THADA: variants seen among roughly 807,000 people sequenced by gnomAD.
THADA encodes THADA armadillo repeat containing, also known as tRNA (32-2'-O)-methyltransferase regulator THADA.
In THADA, 213 loss-of-function variants were observed where a neutral mutation model predicts 219.8. The observed-to-expected ratio is 0.97, with a 90% CI of 0.87 to 1.09. THADA has a LOEUF of 1.09. Ranked by LOEUF, THADA falls within the 50% of genes least tolerant of loss-of-function variation. THADA has a pLI of 0.00. For missense variants in THADA, 2,956 were observed against 2,311.3 expected (o/e 1.28, Z -5.72); for synonymous variants, 1,018 against 828.9 (o/e 1.23, Z -3.92).
chr2:43,537,255 CAAT>C (rs1219412324), intron 21 of THADA, among the ~76,000 whole-genome samples: 1 of 152,218 alleles, frequency 6.6e-6, no homozygotes, highest in African/African-American at 2.4e-5. Flanking sequence ...TAACCATGGG[CAAT>C]ATTAACTGTT....
At chr2:43,258,574 C>G (rs993796566) in intron 36 of THADA, among the ~76,000 whole-genome samples, 1 of 152,026 alleles carries the variant, frequency 6.6e-6, no homozygotes, top group Non-Finnish European at 1.5e-5. Context: ...TGTTATTTAT[C>G]TGAAATTCAT....
intron 29 of THADA, among the ~76,000 whole-genome samples, chr2:43,384,993 T>C (rs1319914127): frequency 2.0e-5 from 3 of 151,534 alleles, no homozygotes; most frequent in African/African-American, 7.3e-5. Context: ...ATACAAAAAT[T>C]AGCCAGGTGT....
At chr2:43,442,084 G>C (rs1680907113) in intron 26 of THADA, among the ~76,000 whole-genome samples, 1 of 152,106 alleles carries the variant, frequency 6.6e-6, no homozygotes. Context: ...TAAGAGTTTG[G>C]AGTTGGAAAA....
intron 31 of THADA, among the ~76,000 whole-genome samples, chr2:43,315,480 A>G (rs951196162): frequency 6.7e-6 from 1 of 149,392 alleles, no homozygotes; most frequent in Non-Finnish European, 1.5e-5. Context: ...TCTTTTTTTT[A>G]GAGACAGGAT....
At chr2:43,333,319 A>G (rs1423201500) in intron 30 of THADA, 3 of 152,092 alleles carry the variant, frequency 2.0e-5, no homozygotes, top group Non-Finnish European at 4.4e-5. Flanking sequence ...TACCAACTTC[A>G]TTTCTCTCAT....
At chr2:43,570,019 C>A (rs1185352209) in intron 14 of THADA, among the ~76,000 whole-genome samples, 3 of 152,198 alleles carry the variant, frequency 2.0e-5, no homozygotes, top group African/African-American at 7.2e-5. Context: ...CTCTGTAAGT[C>A]ATCTCAAACT....
intron 32 of THADA, among the ~76,000 whole-genome samples, chr2:43,292,440 C>T (rs764161008): frequency 1.3e-5 from 2 of 152,112 alleles, no homozygotes; most frequent in Non-Finnish European, 1.5e-5. Context: ...AGCCAGATGC[C>T]CTGATTTTAG....
rs1437556604 is a variant in THADA at position 43,261,028 on chromosome 2, T to C, written c.5296+18737A>G. Reference sequence around the variant, plus strand: ...TTGTAGAGTGTTTTTTTTGGTAAATTTGGATGTTATTTTACCCGATATGTA... The same window carrying C: ...TTGTAGAGTGTTTTTTTTGGTAAATCTGGATGTTATTTTACCCGATATGTA... On this transcript the variant is annotated intron_variant, in intron 36 of 37. Transcript: ENST00000405975. 2.6e-5 allele frequency among the ~76,000 whole-genome samples: 4 copies of C among 152,238 alleles called. No homozygotes were observed. The East Asian group carries it at 7.7e-4, about 29-fold the overall frequency.
intron 36 of THADA, among the ~76,000 whole-genome samples, chr2:43,236,985 T>C (rs1291911837): frequency 1.4e-5 from 2 of 141,966 alleles, no homozygotes; most frequent in African/African-American, 2.7e-5. Flanking sequence ...GGCAGGAGAA[T>C]GGCGTGAACC....
At chr2:43,573,066 G>A (rs1699479180) in intron 11 of THADA, 74 bp from the exon 12 acceptor site, 2 of 1,186,464 alleles carry the variant, frequency 1.7e-6, no homozygotes, top group Non-Finnish European at 2.3e-6. Flanking sequence ...TAATTTTCAT[G>A]TTTCCAATTA....
chr2:43,402,402 T>C (rs1674963935), intron 28 of THADA, among the ~76,000 whole-genome samples: 1 of 152,130 alleles, frequency 6.6e-6, no homozygotes, highest in African/African-American at 2.4e-5. Flanking sequence ...GACTTAACAC[T>C]TGAGGAACCA....
At chr2:43,297,269 C>G (rs1299303443) in intron 31 of THADA, among the ~76,000 whole-genome samples, 1 of 110,332 alleles carries the variant, frequency 9.1e-6, no homozygotes, top group Admixed American at 8.3e-5. Context: ...TGCCCGGCCA[C>G]CCCGTCTGAG....
At chr2:43,324,477 C>T (rs1393700623) in intron 30 of THADA, among the ~76,000 whole-genome samples, 2 of 152,222 alleles carry the variant, frequency 1.3e-5, no homozygotes, top group African/African-American at 4.8e-5. Context: ...TCCATGGCTT[C>T]TCCTTTGAGA....
chr2:43,276,661 CCAGA>C (rs1326914824), intron 36 of THADA, among the ~76,000 whole-genome samples: 1 of 152,126 alleles, frequency 6.6e-6, no homozygotes, highest in African/African-American at 2.4e-5. Context: ...AGGACAGAAC[CCAGA>C]CAGTTTATTC....
chr2:43,275,294 C>T (rs1033998483), intron 36 of THADA, among the ~76,000 whole-genome samples: 2 of 152,080 alleles, frequency 1.3e-5, no homozygotes, highest in Non-Finnish European at 2.9e-5. Flanking sequence ...CGTGAGCCAC[C>T]GCACCTGGCC....
chr2:43,319,403 G>T (rs574132061), intron 31 of THADA, among the ~76,000 whole-genome samples: 1 of 152,184 alleles, frequency 6.6e-6, no homozygotes, highest in African/African-American at 2.4e-5. Flanking sequence ...CCTATCCAGG[G>T]ATGTGGACTT....
At chr2:43,557,197 G>A (rs148900951) in intron 16 of THADA, among the ~76,000 whole-genome samples, 1 of 152,292 alleles carries the variant, frequency 6.6e-6, no homozygotes, top group Non-Finnish European at 1.5e-5. Context: ...TTTTATTACA[G>A]TAATTAATGA....
At chr2:43,458,511 G>C (rs1455510634) in intron 26 of THADA, among the ~76,000 whole-genome samples, 1 of 152,134 alleles carries the variant, frequency 6.6e-6, no homozygotes, top group Non-Finnish European at 1.5e-5. Flanking sequence ...GATCAAATGA[G>C]ATAAGAGATC....
intron 22 of THADA, among the ~76,000 whole-genome samples, chr2:43,515,149 T>A (rs1356082614): frequency 0.064 from 51 of 798 alleles, 3 homozygotes; most frequent in Non-Finnish European, 0.076. Context: ...TATAATATAT[T>A]TTATATATTA....
Sources: gnomAD v4.1 joint callset for allele counts (sites outside exome capture counted in the v4.1 genomes callset) on GRCh38, gnomAD v4.1.1 for gene constraint, MANE v1.5 for transcripts, NCBI Gene and HGNC (gene_info 2026-07-23, HGNC 2026-07-21) for gene names.